DOCK2: variants seen among roughly 807,000 people sequenced by gnomAD.
DOCK2 encodes dedicator of cytokinesis 2.
Under a neutral mutation model 248.9 loss-of-function variants are expected in DOCK2, and 87 were observed. That is an observed-to-expected ratio of 0.35 (90% confidence interval 0.29 to 0.42). DOCK2 has a LOEUF of 0.42. DOCK2 is among the 10% of genes least tolerant of loss of function. The probability of loss-of-function intolerance (pLI) is 1.00; values close to 1 mark genes in which losing one functional copy is unlikely to be tolerated. For synonymous variants in DOCK2, 805 were observed against 821.6 expected (o/e 0.98, Z 0.35); for missense variants, 1,747 against 2,300.2 (o/e 0.76, Z 4.92).
chr5:170,037,965 G>A (rs939148147), intron 36 of DOCK2, among the ~76,000 whole-genome samples: 7 of 152,102 alleles, frequency 4.6e-5, no homozygotes, highest in Non-Finnish European at 8.8e-5. Context: ...ATATATCTAG[G>A]TACCTAGTTT....
intron 29 of DOCK2, among the ~76,000 whole-genome samples, chr5:169,989,301 T>C (rs757564798): frequency 2.6e-5 from 4 of 152,228 alleles, no homozygotes; most frequent in Non-Finnish European, 4.4e-5. Flanking sequence ...TGTTAATTTT[T>C]AAATGATCAA....
chr5:169,639,361 TAGAA>T (rs1400162746), intron 1 of DOCK2, among the ~76,000 whole-genome samples: 1 of 151,922 alleles, frequency 6.6e-6, no homozygotes, highest in Non-Finnish European at 1.5e-5. Flanking sequence ...AAGAAGGAGG[TAGAA>T]AGAGAAACTA....
chr5:169,659,835 C>CA (rs746594476), intron 2 of DOCK2, among the ~76,000 whole-genome samples: 10 of 151,732 alleles, frequency 6.6e-5, no homozygotes, highest in South Asian at 2.1e-4. Flanking sequence ...GGGACAAACA[C>CA]AAAAAAAAGC....
At chr5:169,915,171 G>A (rs1265060053) in intron 27 of DOCK2, among the ~76,000 whole-genome samples, 5 of 152,188 alleles carry the variant, frequency 3.3e-5, no homozygotes, top group Non-Finnish European at 7.4e-5. Context: ...AAAATCAGAA[G>A]TTGTCTCTGG....
chr5:169,738,801 C>T (rs1763169697), intron 22 of DOCK2, among the ~76,000 whole-genome samples: 1 of 152,196 alleles, frequency 6.6e-6, no homozygotes, highest in Non-Finnish European at 1.5e-5. Flanking sequence ...AGGGCCCAGA[C>T]AGGAGTGATC....
At chr5:170,072,827 T>C (rs1757724799) in intron 46 of DOCK2, among the ~76,000 whole-genome samples, 1 of 152,230 alleles carries the variant, frequency 6.6e-6, no homozygotes, top group South Asian at 2.1e-4. Context: ...TTTTGTGAAA[T>C]ACTTTTTCAA....
At chr5:169,691,539 C>T (rs1239420270) in intron 9 of DOCK2, among the ~76,000 whole-genome samples, 3 of 152,154 alleles carry the variant, frequency 2.0e-5, no homozygotes, top group Non-Finnish European at 4.4e-5. Context: ...CACAAATAAA[C>T]AAGAGCAATG....
At chr5:169,841,079 A>G (rs1467333206) in intron 27 of DOCK2, among the ~76,000 whole-genome samples, 1 of 152,146 alleles carries the variant, frequency 6.6e-6, no homozygotes, top group African/African-American at 2.4e-5. Flanking sequence ...CCAGCGCTAA[A>G]TTGAGCATAC....
chr5:169,935,159 G>A (rs1477879463), intron 27 of DOCK2, among the ~76,000 whole-genome samples: 1 of 152,208 alleles, frequency 6.6e-6, no homozygotes, highest in Non-Finnish European at 1.5e-5. Flanking sequence ...CTCTTAATTG[G>A]AGGGAGCAGC....
chr5:170,035,551 G>A (rs1756296070), intron 35 of DOCK2, among the ~76,000 whole-genome samples: 2 of 152,176 alleles, frequency 1.3e-5, no homozygotes, highest in Admixed American at 6.5e-5. Context: ...CACGAGCTGA[G>A]CAGCTTCTCT....
At chr5:169,855,660 C>T (rs552854931) in intron 27 of DOCK2, among the ~76,000 whole-genome samples, 1 of 152,262 alleles carries the variant, frequency 6.6e-6, no homozygotes, top group East Asian at 1.9e-4. Flanking sequence ...GTGCAGGGGT[C>T]TACATGGAAG....
At chr5:169,656,924 T>C (rs142106425) in intron 2 of DOCK2, among the ~76,000 whole-genome samples, 2,332 of 152,346 alleles carry the variant, frequency 0.015, 71 homozygotes, top group African/African-American at 0.052. Context: ...TCTTTGGTTC[T>C]GGTTTTCCAT....
At chr5:169,941,954 C>T (rs1376512387) in intron 27 of DOCK2, among the ~76,000 whole-genome samples, 1 of 152,222 alleles carries the variant, frequency 6.6e-6, no homozygotes, top group Non-Finnish European at 1.5e-5. Context: ...AAACACACAC[C>T]ATTCAGAAGT....
intron 30 of DOCK2, among the ~76,000 whole-genome samples, chr5:169,998,457 G>T (rs1399590864): frequency 6.6e-6 from 1 of 152,226 alleles, no homozygotes; most frequent in East Asian, 1.9e-4. Flanking sequence ...GAGTGACAAT[G>T]AGAGCGATAA....
rs534358649 is a variant in DOCK2, at chr5:169,985,967, A to C, written c.2993+45A>C. On this transcript the variant is annotated intron_variant, in intron 29 of 51. Coordinates refer to ENST00000520908, the MANE Select transcript of DOCK2 (RefSeq NM_004946.3). Reference sequence around the variant, plus strand: ...CGCAAAGCTACCTTACCCAGCCCTCACTTCAAAGATCACTTATTTTGGGTT... The same window carrying C: ...CGCAAAGCTACCTTACCCAGCCCTCCCTTCAAAGATCACTTATTTTGGGTT... The C allele has an allele frequency of 9.8e-6, 15 of 1,523,544 alleles. No homozygotes were observed. In the African/African-American group the frequency reaches 1.1e-4, roughly 11 times the overall value. The allele number at this position is 1,523,544 out of a possible 1,614,324, so 94.4% of individuals were successfully genotyped here. A position where few individuals can be genotyped will look rare whatever the true frequency, so the allele number is the denominator to read the frequency against.
chr5:169,739,503 T>C (rs181224354), intron 22 of DOCK2, among the ~76,000 whole-genome samples: 3 of 152,178 alleles, frequency 2.0e-5, no homozygotes, highest in Admixed American at 2.0e-4. Flanking sequence ...AAAATTTCAC[T>C]TGTGTTTAAA....
chr5:170,004,916 G>A (rs13184800), intron 30 of DOCK2, among the ~76,000 whole-genome samples: 1 of 129,594 alleles, frequency 7.7e-6, no homozygotes, highest in Non-Finnish European at 1.6e-5. Flanking sequence ...GGGGACTGTG[G>A]TGGGGTGGGG....
intron 28 of DOCK2, 111 bp downstream of exon 28, chr5:169,983,277 A>T: frequency 8.7e-7 from 1 of 1,143,420 alleles, no homozygotes; most frequent in Non-Finnish European, 1.3e-6. Context: ...GATATGACTT[A>T]ACCAATATTT....
chr5:169,857,911 A>G (rs1770985362), intron 27 of DOCK2, among the ~76,000 whole-genome samples: 1 of 152,168 alleles, frequency 6.6e-6, no homozygotes, highest in Non-Finnish European at 1.5e-5. Flanking sequence ...TTGGTTTTAT[A>G]TTTGATAAGT....
Sources: allele counts gnomAD v4.1 joint callset (sites outside exome capture counted in the v4.1 genomes callset), GRCh38; gene constraint gnomAD v4.1.1; transcripts MANE v1.5; gene names NCBI Gene and HGNC (gene_info 2026-07-23, HGNC 2026-07-21).